The following CERS6 variants were observed in gnomAD, a reference collection of about 807,000 sequenced individuals.
The protein encoded by CERS6 is ceramide synthase 6.
In CERS6, 26 loss-of-function variants were observed where a neutral mutation model predicts 56.8. That is an observed-to-expected ratio of 0.46 (90% CI 0.34 to 0.63). The LOEUF is 0.63. Ranked by LOEUF, CERS6 falls within the 30% of genes least tolerant of loss-of-function variation. The pLI is 0.01. For missense variants in CERS6, 415 were observed against 467.5 expected (o/e 0.89, Z 1.04); for synonymous variants, 164 against 173.3 (o/e 0.95, Z 0.42).
chr2:168,555,407 T>C (rs1695657073), intron 2 of CERS6, among the ~76,000 whole-genome samples: 2 of 151,954 alleles, frequency 1.3e-5, no homozygotes, highest in South Asian at 4.1e-4. Context: ...AAATAGCCAT[T>C]TGGTTAAACA....
chr2:168,594,377 G>A (rs1403029581), intron 3 of CERS6, among the ~76,000 whole-genome samples: 10 of 152,154 alleles, frequency 6.6e-5, no homozygotes, highest in African/African-American at 1.2e-4. Flanking sequence ...TTGAGCCCAG[G>A]AGTTTGAGAC....
intron 3 of CERS6, among the ~76,000 whole-genome samples, chr2:168,586,088 A>G (rs1479563110): frequency 6.6e-6 from 1 of 151,886 alleles, no homozygotes; most frequent in Non-Finnish European, 1.5e-5. Context: ...GGCTCAAGTG[A>G]TCCTCCCATC....
intron 1 of CERS6, among the ~76,000 whole-genome samples, chr2:168,518,874 T>A (rs1392096617): frequency 2.0e-5 from 3 of 149,872 alleles, no homozygotes; most frequent in Admixed American, 1.5e-4. Flanking sequence ...CTCTTCCTCC[T>A]TTATGCATCT....
intron 3 of CERS6, among the ~76,000 whole-genome samples, chr2:168,575,655 G>A (rs1050077500): frequency 1.3e-5 from 2 of 152,144 alleles, no homozygotes; most frequent in African/African-American, 4.8e-5. Context: ...TAGTAGCACT[G>A]TGATTGCCTC....
intron 1 of CERS6, among the ~76,000 whole-genome samples, chr2:168,523,523 C>T (rs190180126): frequency 2.3e-3 from 353 of 152,178 alleles, no homozygotes; most frequent in African/African-American, 8.1e-3. Context: ...AAGAGCCACA[C>T]TGTGTACGAC....
chr2:168,704,303 G>T (rs184645787), intron 6 of CERS6, among the ~76,000 whole-genome samples: 220 of 152,180 alleles, frequency 1.4e-3, no homozygotes, highest in African/African-American at 4.3e-3. Context: ...GGTGCTGCTG[G>T]TCTCGGGCTC....
chr2:168,769,442 G>A (rs936490323), intron 9 of CERS6, 68 bp from the exon 10 acceptor site: 4 of 1,381,738 alleles, frequency 2.9e-6, no homozygotes, highest in Non-Finnish European at 9.7e-7. Context: ...GACTGCATGT[G>A]CTTCTAGCAT....
intron 1 of CERS6, among the ~76,000 whole-genome samples, chr2:168,523,586 G>A (rs1053193234): frequency 6.6e-6 from 1 of 152,084 alleles, no homozygotes; most frequent in East Asian, 1.9e-4. Context: ...GGCCATTAGG[G>A]ACCCCACTAC....
At chr2:168,491,375 G>A (rs12053338) in intron 1 of CERS6, among the ~76,000 whole-genome samples, 11,815 of 152,174 alleles carry the variant, frequency 0.078, 510 homozygotes, top group East Asian at 0.18. Context: ...CCAAGTGACA[G>A]TCTTGGCTTC....
chr2:168,561,056 G>A, intron 2 of CERS6, 136 bp from the exon 3 acceptor site: 1 of 851,882 alleles, frequency 1.2e-6, no homozygotes, highest in Non-Finnish European at 1.8e-6. Context: ...GTCCTCAGAG[G>A]TAAATATAGA....
At chr2:168,687,541 G>GGC (rs1686383401) in intron 4 of CERS6, among the ~76,000 whole-genome samples, 1 of 152,118 alleles carries the variant, frequency 6.6e-6, no homozygotes, top group Non-Finnish European at 1.5e-5. Flanking sequence ...AATCTTTAAT[G>GGC]GCGTCTGCTG....
At chr2:168,558,285 A>C (rs1303947601) in intron 2 of CERS6, among the ~76,000 whole-genome samples, 2 of 152,250 alleles carry the variant, frequency 1.3e-5, no homozygotes. Flanking sequence ...AAACATGTAT[A>C]AAATGGCCCA....
At chr2:168,587,392 A>G (rs1683569700) in intron 3 of CERS6, among the ~76,000 whole-genome samples, 1 of 152,192 alleles carries the variant, frequency 6.6e-6, no homozygotes, top group Non-Finnish European at 1.5e-5. Flanking sequence ...TAGCATACCA[A>G]GTGGTATGAC....
rs377064907 is a variant in CERS6 at position 168,585,031 on chromosome 2, A to T, written c.407+23709A>T. Among the ~76,000 whole-genome samples the T allele has an allele frequency of 3.3e-5, 5 of 152,402 alleles. No individual in the cohort carries two copies. The East Asian group carries it at 7.7e-4, about 23-fold the overall frequency. ...CTGTCTTAAGGATTTAACAAAAAGA[A>T]ATGCCAACTCCATATTTGCTGAGCT... On this transcript the variant is annotated intron_variant, in intron 3 of 9. Transcript: ENST00000305747.
intron 1 of CERS6, among the ~76,000 whole-genome samples, chr2:168,480,369 A>G (rs1407858159): frequency 6.6e-6 from 1 of 152,360 alleles, no homozygotes; most frequent in South Asian, 2.1e-4. Flanking sequence ...ATGTCTTTAT[A>G]TGTCTAGGAA....
intron 3 of CERS6, among the ~76,000 whole-genome samples, chr2:168,612,056 G>A (rs1346230261): frequency 1.3e-5 from 2 of 152,180 alleles, no homozygotes; most frequent in African/African-American, 2.4e-5. Flanking sequence ...TAAGAGTTAT[G>A]GAGCCCTTGC....
intron 4 of CERS6, among the ~76,000 whole-genome samples, chr2:168,659,999 TG>T (rs1685587547): frequency 1.3e-5 from 2 of 152,178 alleles, no homozygotes. Flanking sequence ...AATACAAACG[TG>T]GAAATGTGCC....
intron 4 of CERS6, among the ~76,000 whole-genome samples, chr2:168,670,973 C>CCCCT (rs1553506522): frequency 1.5e-5 from 1 of 65,728 alleles, no homozygotes; most frequent in African/African-American, 3.5e-5. Context: ...GCTTCCCCCC[C>CCCCT]CCCCCCCAGA....
chr2:168,685,146 G>GT (rs1302656557), intron 4 of CERS6, among the ~76,000 whole-genome samples: 1 of 152,184 alleles, frequency 6.6e-6, no homozygotes, highest in Non-Finnish European at 1.5e-5. Flanking sequence ...CTAGGTAAGA[G>GT]TTTTCACGGA....
Sources: gnomAD v4.1 joint callset for allele counts (sites outside exome capture counted in the v4.1 genomes callset) on GRCh38, gnomAD v4.1.1 for gene constraint, MANE v1.5 for transcripts, NCBI Gene and HGNC (gene_info 2026-07-23, HGNC 2026-07-21) for gene names.